HSD17B4: variants seen among roughly 807,000 people sequenced by gnomAD.
HSD17B4 encodes peroxisomal multifunctional enzyme type 2.
A neutral mutation model predicts 101.0 loss-of-function variants in HSD17B4; 70 were observed. The observed-to-expected ratio is 0.69, with a 90% CI of 0.57 to 0.85. The LOEUF (loss-of-function observed/expected upper bound fraction) is 0.85. HSD17B4 is among the 40% of genes least tolerant of loss of function. The pLI is 0.00. For synonymous variants in HSD17B4, 347 were observed against 297.1 expected, an observed-to-expected ratio of 1.17 and a Z score of -1.73; for missense variants, 984 against 892.4, an observed-to-expected ratio of 1.10 and a Z score of -1.31.
At chr5:119,485,188 T>A (rs541880833) in intron 8 of HSD17B4, among the ~76,000 whole-genome samples, 32 of 152,270 alleles carry the variant, frequency 2.1e-4, no homozygotes, top group African/African-American at 7.7e-4. Flanking sequence ...TTTGTTAGAT[T>A]TTTACCTTTA....
At chr5:119,457,775 T>C (rs1754820522) in intron 2 of HSD17B4, among the ~76,000 whole-genome samples, 1 of 152,236 alleles carries the variant, frequency 6.6e-6, no homozygotes, top group Non-Finnish European at 1.5e-5. Flanking sequence ...GTTTTATCTT[T>C]TGTATCTACT....
intron 22 of HSD17B4, among the ~76,000 whole-genome samples, chr5:119,534,993 A>G (rs1211542349): frequency 1.3e-5 from 2 of 152,066 alleles, no homozygotes; most frequent in Non-Finnish European, 2.9e-5. Context: ...CAATTTGAGA[A>G]TTATAGAAAA....
At chr5:119,486,810 A>G (rs1392339203) in intron 8 of HSD17B4, among the ~76,000 whole-genome samples, 1 of 152,154 alleles carries the variant, frequency 6.6e-6, no homozygotes, top group African/African-American at 2.4e-5. Flanking sequence ...GAAGGGTACA[A>G]ATGCTAATCA....
chr5:119,536,965 A>G (rs912510945), intron 23 of HSD17B4, among the ~76,000 whole-genome samples: 1 of 152,166 alleles, frequency 6.6e-6, no homozygotes, highest in Non-Finnish European at 1.5e-5. Flanking sequence ...CATGATTAAC[A>G]GAAGAGTGCC....
intron 2 of HSD17B4, among the ~76,000 whole-genome samples, chr5:119,468,334 G>A (rs1194958569): frequency 2.0e-5 from 3 of 151,700 alleles, no homozygotes; most frequent in African/African-American, 4.8e-5. Context: ...TTTCTTGTCT[G>A]GGAAAGACTT....
chr5:119,480,832 C>T (rs1381199691), intron 8 of HSD17B4, among the ~76,000 whole-genome samples: 3 of 152,226 alleles, frequency 2.0e-5, no homozygotes, highest in East Asian at 1.9e-4. Flanking sequence ...CCCCTAGGTG[C>T]GCATTCTCTT....
intron 1 of HSD17B4, among the ~76,000 whole-genome samples, chr5:119,453,244 G>C (rs868400301): frequency 2.0e-5 from 3 of 152,210 alleles, no homozygotes; most frequent in Non-Finnish European, 4.4e-5. Context: ...GAGGTTGTAA[G>C]CTCAAATGCG....
At chr5:119,518,465 G>T (rs534363912) in intron 17 of HSD17B4, among the ~76,000 whole-genome samples, 8 of 152,284 alleles carry the variant, frequency 5.3e-5, no homozygotes, top group South Asian at 4.2e-4. Flanking sequence ...GACACAGAAG[G>T]GTTCGATAGT....
At chr5:119,482,885 G>T (rs190746552) in intron 8 of HSD17B4, among the ~76,000 whole-genome samples, 1 of 151,724 alleles carries the variant, frequency 6.6e-6, no homozygotes, top group Non-Finnish European at 1.5e-5. Context: ...ACCTTCAGAA[G>T]ACTTTTTTAG....
At chr5:119,517,911 T>G (rs562605406) in intron 17 of HSD17B4, among the ~76,000 whole-genome samples, 6 of 152,266 alleles carry the variant, frequency 3.9e-5, no homozygotes, top group African/African-American at 1.4e-4. Context: ...GGAGAACCTT[T>G]GTGTTGATAC....
At chr5:119,467,915 A>G (rs546582529) in intron 2 of HSD17B4, among the ~76,000 whole-genome samples, 1 of 152,218 alleles carries the variant, frequency 6.6e-6, no homozygotes, top group Admixed American at 6.5e-5. Context: ...TTTTCAGTCC[A>G]TGTGTGTCTT....
chr5:119,490,235 A>G (rs994314931), intron 9 of HSD17B4, among the ~76,000 whole-genome samples: 6 of 152,194 alleles, frequency 3.9e-5, no homozygotes, highest in African/African-American at 1.4e-4. Context: ...TTGGGTGTGA[A>G]TTGTGGCATA....
chr5:119,468,122 G>T (rs1204792531), intron 2 of HSD17B4, among the ~76,000 whole-genome samples: 1 of 150,806 alleles, frequency 6.6e-6, no homozygotes, highest in East Asian at 1.9e-4. Context: ...GTCTTTTATT[G>T]TCTATCTCTT....
At chr5:119,516,695 G>A (rs186808721) in intron 17 of HSD17B4, among the ~76,000 whole-genome samples, 324 of 152,198 alleles carry the variant, frequency 2.1e-3, no homozygotes, top group Non-Finnish European at 3.5e-3. Context: ...GGAATTTGTG[G>A]GACATTTGAA....
At chr5:119,471,033 A>G (rs1023081322) in intron 2 of HSD17B4, among the ~76,000 whole-genome samples, 1 of 152,068 alleles carries the variant, frequency 6.6e-6, no homozygotes, top group African/African-American at 2.4e-5. Flanking sequence ...TAAAATTTCC[A>G]CTTGGGGGTA....
At chr5:119,476,454 A>G (rs2126692780) in intron 6 of HSD17B4, 1 of 561,276 alleles carries the variant, frequency 1.8e-6, no homozygotes. Flanking sequence ...CATCAGAACT[A>G]AAATGAACAG....
rs369361680 is a variant in HSD17B4 at position 119,476,020 on chromosome 5, GAATA to G, written c.349+151_349+154del. 9.9e-4 allele frequency: 644 copies of G among 651,878 alleles called. 3 individuals are homozygous for G. The African/African-American group carries it at 0.011, about 11-fold the overall frequency. The allele number at this position is 651,878 out of a possible 1,614,324, so 40.4% of individuals were successfully genotyped here. A position where few individuals can be genotyped will look rare whatever the true frequency, so the allele number is the denominator to read the frequency against. ...GAGTAAACTGTATACTGAAGACAAT[GAATA>G]GTTAGAAGTAGCCTCTTTTAGAAAA... On this transcript the variant is annotated intron_variant, in intron 6 of 23. Transcript: ENST00000510025.
chr5:119,453,866 G>A (rs766649257), intron 1 of HSD17B4, among the ~76,000 whole-genome samples: 13 of 152,152 alleles, frequency 8.5e-5, no homozygotes, highest in Non-Finnish European at 1.8e-4. Context: ...ATTTTACAAC[G>A]CTTGGTGTTT....
intron 17 of HSD17B4, among the ~76,000 whole-genome samples, chr5:119,515,503 A>C (rs985825217): frequency 6.6e-6 from 1 of 152,176 alleles, no homozygotes; most frequent in Non-Finnish European, 1.5e-5. Flanking sequence ...GGATAGGCAA[A>C]TAAAGCATCT....
Sources: gnomAD v4.1 joint callset for allele counts (sites outside exome capture counted in the v4.1 genomes callset) on GRCh38, gnomAD v4.1.1 for gene constraint, MANE v1.5 for transcripts, NCBI Gene and HGNC (gene_info 2026-07-23, HGNC 2026-07-21) for gene names.